Variants in ZNF385D observed in about 807,000 individuals in gnomAD.
ZNF385D encodes the protein zinc finger protein 385D.
ZNF385D carries 15 observed loss-of-function variants against 35.8 expected under a neutral mutation model. The observed-to-expected ratio is 0.42, with a 90% CI of 0.28 to 0.64. ZNF385D has a LOEUF of 0.64. Ranked by LOEUF, ZNF385D falls within the 30% of genes least tolerant of loss-of-function variation. ZNF385D has a pLI of 0.23. For missense variants in ZNF385D, 474 were observed against 494.6 expected, an observed-to-expected ratio of 0.96 and a Z score of 0.39; for synonymous variants, 212 against 186.8, an observed-to-expected ratio of 1.13 and a Z score of -1.10.
chr3:22,030,276 T>TATATATCCTACACAAATAACAAATAGG (rs1553591274), intron 3 of ZNF385D, among the ~76,000 whole-genome samples: 1 of 103,612 alleles, frequency 9.7e-6, no homozygotes, highest in Non-Finnish European at 1.9e-5. Context: ...TATATATATA[T>TATATATCCTACACAAATAACAAATAGG]ATATATATAT....
intron 3 of ZNF385D, among the ~76,000 whole-genome samples, chr3:22,143,568 G>T (rs1441812146): frequency 2.6e-5 from 4 of 151,312 alleles, no homozygotes; most frequent in Admixed American, 6.6e-5. Flanking sequence ...GTTCTCTTTG[G>T]CATACTGAGA....
intron 2 of ZNF385D, among the ~76,000 whole-genome samples, chr3:21,586,227 A>G (rs531156841): frequency 1.4e-4 from 21 of 152,240 alleles, no homozygotes; most frequent in African/African-American, 5.1e-4. Flanking sequence ...AAAAGAAAGT[A>G]TGTTGGAATA....
chr3:21,724,477 C>CAAAAAAAAAAAAAAA (rs200803155), intron 1 of ZNF385D, among the ~76,000 whole-genome samples: 10 of 52,006 alleles, frequency 1.9e-4, no homozygotes, highest in African/African-American at 3.2e-4. Context: ...AATGGAAAGC[C>CAAAAAAAAAAAAAAA]AAAAAAAAAA....
intron 2 of ZNF385D, among the ~76,000 whole-genome samples, chr3:21,565,442 G>T (rs907481135): frequency 2.0e-5 from 3 of 152,094 alleles, no homozygotes; most frequent in Admixed American, 6.6e-5. Context: ...GCAGTGGTGA[G>T]ATCATAGCTC....
intron 3 of ZNF385D, among the ~76,000 whole-genome samples, chr3:21,773,974 G>A (rs1334900402): frequency 6.6e-6 from 1 of 152,002 alleles, no homozygotes; most frequent in African/African-American, 2.4e-5. Context: ...GCACACATAT[G>A]TTCATTGCAG....
At chr3:21,822,986 G>A (rs1694370135) in intron 3 of ZNF385D, among the ~76,000 whole-genome samples, 1 of 151,890 alleles carries the variant, frequency 6.6e-6, no homozygotes, top group African/African-American at 2.4e-5. Context: ...ACCTGATGGG[G>A]GGACAAGAAC....
At chr3:22,178,996 T>C (rs1458512849) in intron 2 of ZNF385D, among the ~76,000 whole-genome samples, 3 of 152,144 alleles carry the variant, frequency 2.0e-5, no homozygotes, top group South Asian at 2.1e-4. Context: ...AGCCTTGTAG[T>C]ATAGTTTGAA....
intron 2 of ZNF385D, among the ~76,000 whole-genome samples, chr3:22,319,932 A>G (rs1694327371): frequency 6.6e-6 from 1 of 152,082 alleles, no homozygotes; most frequent in Admixed American, 6.6e-5. Flanking sequence ...TTTTATCATA[A>G]AACATCTTAC....
intron 3 of ZNF385D, among the ~76,000 whole-genome samples, chr3:21,895,120 G>A (rs80303450): frequency 0.056 from 8,546 of 152,006 alleles, 407 homozygotes; most frequent in East Asian, 0.2. Flanking sequence ...AGACATGCAT[G>A]TTCCAAAACC....
chr3:21,863,249 T>C (rs1437439467), intron 3 of ZNF385D, among the ~76,000 whole-genome samples: 1 of 152,166 alleles, frequency 6.6e-6, no homozygotes, highest in African/African-American at 2.4e-5. Context: ...TATTTCTTGA[T>C]TTCATCATTT....
chr3:21,619,212 A>C (rs904697866), intron 2 of ZNF385D, among the ~76,000 whole-genome samples: 1 of 152,078 alleles, frequency 6.6e-6, no homozygotes. Context: ...CCCAAGTCCT[A>C]TTTTGGGGGA....
intron 3 of ZNF385D, among the ~76,000 whole-genome samples, chr3:21,846,639 C>T (rs1007341405): frequency 4.6e-5 from 7 of 151,824 alleles, no homozygotes; most frequent in African/African-American, 1.7e-4. Flanking sequence ...GGTGGAGGGG[C>T]GATCTAAGAG....
chr3:21,599,585 G>A (rs1288604539), intron 2 of ZNF385D, among the ~76,000 whole-genome samples: 1 of 152,144 alleles, frequency 6.6e-6, no homozygotes, highest in Admixed American at 6.5e-5. Flanking sequence ...TATTCTTCCT[G>A]TTTAACAGAT....
At chr3:22,128,127 T>C (rs1338258562) in intron 3 of ZNF385D, among the ~76,000 whole-genome samples, 1 of 152,212 alleles carries the variant, frequency 6.6e-6, no homozygotes, top group African/African-American at 2.4e-5. Context: ...ATCTCCTTAA[T>C]CTTTGAAATA....
At chr3:22,297,105 TCTC>T (rs1702626649) in intron 2 of ZNF385D, among the ~76,000 whole-genome samples, 1 of 152,068 alleles carries the variant, frequency 6.6e-6, no homozygotes, top group South Asian at 2.1e-4. Flanking sequence ...CATATTGTAT[TCTC>T]CTATCTTGAA....
intron 3 of ZNF385D, among the ~76,000 whole-genome samples, chr3:22,038,465 C>A (rs1698469245): frequency 6.6e-6 from 1 of 152,008 alleles, no homozygotes; most frequent in African/African-American, 2.4e-5. Flanking sequence ...ATGATATATG[C>A]AATAGTTAAA....
chr3:22,168,593 A>G (rs1189904686), intron 3 of ZNF385D: 1 of 160,118 alleles, frequency 6.2e-6, no homozygotes, highest in Non-Finnish European at 1.3e-5. Flanking sequence ...CAAAAATAGT[A>G]AATTTTCTGC....
intron 6 of ZNF385D, among the ~76,000 whole-genome samples, chr3:21,424,283 A>G (rs1429975130): frequency 8.4e-6 from 1 of 118,748 alleles, no homozygotes; most frequent in Non-Finnish European, 1.7e-5. Context: ...TATTATATAT[A>G]TACTTATATA....
chr3:21,596,770 C>T (rs565455909), intron 2 of ZNF385D, among the ~76,000 whole-genome samples: 17 of 151,838 alleles, frequency 1.1e-4, no homozygotes, highest in Admixed American at 6.6e-5. Context: ...TGAACCAATG[C>T]GGCTGGCCAC....
Sources: gnomAD v4.1 joint callset for allele counts (sites outside exome capture counted in the v4.1 genomes callset) on GRCh38, gnomAD v4.1.1 for gene constraint, MANE v1.5 for transcripts, NCBI Gene and HGNC (gene_info 2026-07-23, HGNC 2026-07-21) for gene names.